The following GRIA2 variants were observed in gnomAD, a reference collection of about 807,000 sequenced individuals.
GRIA2 encodes glutamate receptor 2.
In GRIA2, 14 loss-of-function variants were observed where a neutral mutation model predicts 97.3. The observed-to-expected ratio is 0.14, with a 90% CI of 0.10 to 0.23. GRIA2 has a LOEUF of 0.23. GRIA2 is among the 10% of genes least tolerant of loss of function. GRIA2 has a pLI of 1.00. For missense variants in GRIA2, 558 were observed against 1,069.8 expected (o/e 0.52, Z 6.67); for synonymous variants, 412 against 387.8 (o/e 1.06, Z -0.73).
Position 157,336,389 on chromosome 4 carries a change from G to A in GRIA2, c.1486G>A (p.Ala496Thr). ...TTTTCCCTTACAGAAAGCTGATATT[G>A]CAATTGCTCCATTAACTATTACCCT... ...GELVYGKADI[A>T]IAPLTITLVR... The change falls in exon 11 of 16, where the codon GCA becomes ACA. Residue 496 changes from alanine to threonine, a missense_variant. Coordinates refer to ENST00000264426, the MANE Select transcript of GRIA2 (RefSeq NM_001083619.3). 6.5e-7 allele frequency: 1 copy of A among 1,546,092 alleles called. No individual in the cohort carries two copies. The highest frequency in any genetic ancestry group is 8.7e-7 in the Non-Finnish European group (1 of 1,148,286).
At chr4:157,254,415 C>T (rs1300123607) in intron 2 of GRIA2, among the ~76,000 whole-genome samples, 7 of 151,814 alleles carry the variant, frequency 4.6e-5, no homozygotes, top group African/African-American at 1.7e-4. Flanking sequence ...TAGAGTTAAC[C>T]CATTTAAAAA....
chr4:157,292,065 A>G (rs1733129616), intron 2 of GRIA2, among the ~76,000 whole-genome samples: 1 of 152,052 alleles, frequency 6.6e-6, no homozygotes, highest in African/African-American at 2.4e-5. Context: ...ATTGGCTATA[A>G]TGTGGTAAAT....
At chr4:157,250,684 T>C (rs555119644) in intron 2 of GRIA2, among the ~76,000 whole-genome samples, 1 of 152,154 alleles carries the variant, frequency 6.6e-6, no homozygotes, top group East Asian at 1.9e-4. Context: ...AAACCCACAA[T>C]TAAATCAAGA....
chr4:157,344,319 G>A (rs746796309), intron 12 of GRIA2, among the ~76,000 whole-genome samples: 9 of 151,972 alleles, frequency 5.9e-5, no homozygotes, highest in Non-Finnish European at 1.2e-4. Context: ...TTCACCACAG[G>A]TCTTGGGTTC....
chr4:157,315,394 AAACAATGTTTATTCACTC>A (rs1185093278), intron 4 of GRIA2, among the ~76,000 whole-genome samples: 1 of 151,442 alleles, frequency 6.6e-6, no homozygotes, highest in Non-Finnish European at 1.5e-5. Flanking sequence ...AAAAAAAAAG[AAACAATGTTTATTCACTC>A]AACCAGTGTT....
intron 5 of GRIA2, among the ~76,000 whole-genome samples, chr4:157,320,878 A>C (rs948675931): frequency 6.6e-5 from 10 of 152,134 alleles, no homozygotes; most frequent in Non-Finnish European, 1.2e-4. Context: ...ACACAAGATA[A>C]ATTTTTTTTT....
intron 2 of GRIA2, among the ~76,000 whole-genome samples, chr4:157,299,517 C>G (rs1733518838): frequency 6.6e-6 from 1 of 152,142 alleles, no homozygotes; most frequent in Admixed American, 6.5e-5. Context: ...TTCTCCCTTT[C>G]TACTCAATAA....
chr4:157,360,219 C>T (rs4438801), intron 13 of GRIA2, 76 bp downstream of exon 13: 1 of 1,463,404 alleles, frequency 6.8e-7, no homozygotes, highest in African/African-American at 1.4e-5. Flanking sequence ...TTAAGACTCT[C>T]TTACGGTTTG....
intron 2 of GRIA2, among the ~76,000 whole-genome samples, chr4:157,299,628 T>A (rs542622562): frequency 6.6e-6 from 1 of 152,214 alleles, no homozygotes; most frequent in South Asian, 2.1e-4. Context: ...AAAAGATGTG[T>A]TGGATGCACC....
intron 11 of GRIA2, among the ~76,000 whole-genome samples, chr4:157,338,350 A>G (rs1472835046): frequency 6.6e-6 from 1 of 151,896 alleles, no homozygotes; most frequent in African/African-American, 2.4e-5. Context: ...TTCATTATGA[A>G]GTAGGATGTG....
At chr4:157,362,360 T>C in intron 14 of GRIA2, 1 of 456,432 alleles carries the variant, frequency 2.2e-6, no homozygotes, top group Non-Finnish European at 4.4e-6. Flanking sequence ...GCCAGTAACA[T>C]GGTCAACATT....
intron 12 of GRIA2, among the ~76,000 whole-genome samples, chr4:157,345,960 A>G (rs1345116295): frequency 6.6e-6 from 1 of 152,172 alleles, no homozygotes; most frequent in Non-Finnish European, 1.5e-5. Flanking sequence ...ATTGCTCAGC[A>G]TTGTAGACTT....
intron 2 of GRIA2, among the ~76,000 whole-genome samples, chr4:157,285,697 G>T (rs1397639868): frequency 1.3e-5 from 2 of 151,228 alleles, no homozygotes; most frequent in South Asian, 2.1e-4. Flanking sequence ...TTTATATGTG[G>T]ATTGGCTTCT....
chr4:157,256,168 TTATATATTATATATAATATATAACA>T (rs1217293764), intron 2 of GRIA2, among the ~76,000 whole-genome samples: 1 of 136,078 alleles, frequency 7.3e-6, no homozygotes, highest in Non-Finnish European at 1.6e-5. Flanking sequence ...CATATATATG[TTATATATTATATATAATATATAACA>T]TATATTACAT....
At chr4:157,314,415 TA>T (rs1734221616) in intron 4 of GRIA2, among the ~76,000 whole-genome samples, 1 of 152,168 alleles carries the variant, frequency 6.6e-6, no homozygotes, top group African/African-American at 2.4e-5. Flanking sequence ...GCAAAAGAAC[TA>T]AATGTTGAAT....
chr4:157,343,283 A>G (rs974440334), intron 12 of GRIA2, among the ~76,000 whole-genome samples: 5 of 151,818 alleles, frequency 3.3e-5, no homozygotes, highest in African/African-American at 1.2e-4. Flanking sequence ...TAATCTAACA[A>G]TATTTCTGTC....
chr4:157,248,780 CTATATATATATA>C (rs36210142), intron 2 of GRIA2, among the ~76,000 whole-genome samples: 24,286 of 122,156 alleles, frequency 0.2, 2,778 homozygotes, highest in African/African-American at 0.32. Flanking sequence ...CTTTCTTTCA[CTATATATATATA>C]TATATATATA....
chr4:157,234,060 A>G (rs2126700001), intron 2 of GRIA2, among the ~76,000 whole-genome samples: 1 of 152,196 alleles, frequency 6.6e-6, no homozygotes, highest in Admixed American at 6.5e-5. Flanking sequence ...TGGCTTCACT[A>G]TTTACTAGTT....
At chr4:157,289,661 A>G (rs896028144) in intron 2 of GRIA2, among the ~76,000 whole-genome samples, 3 of 151,914 alleles carry the variant, frequency 2.0e-5, no homozygotes, top group African/African-American at 7.2e-5. Context: ...AAATTTACAA[A>G]TTATAAATAT....
Sources: gnomAD v4.1 joint callset for allele counts (sites outside exome capture counted in the v4.1 genomes callset) on GRCh38, gnomAD v4.1.1 for gene constraint, MANE v1.5 for transcripts, NCBI Gene and HGNC (gene_info 2026-07-23, HGNC 2026-07-21) for gene names.